PRKCA: variants seen among roughly 807,000 people sequenced by gnomAD.
PRKCA encodes protein kinase C alpha type.
A neutral mutation model predicts 87.0 loss-of-function variants in PRKCA; 27 were observed. The observed-to-expected ratio is 0.31, with a 90% CI of 0.23 to 0.43. PRKCA has a LOEUF of 0.43. PRKCA is among the 20% of genes least tolerant of loss of function. The pLI is 1.00. For missense variants in PRKCA, 518 were observed against 852.3 expected (o/e 0.61, Z 4.88); for synonymous variants, 329 against 311.1 (o/e 1.06, Z -0.61).
chr17:66,693,466 A>G (rs1012291810), intron 8 of PRKCA, among the ~76,000 whole-genome samples: 6 of 152,220 alleles, frequency 3.9e-5, no homozygotes, highest in Admixed American at 1.3e-4. Flanking sequence ...TTCTGTATCT[A>G]TGGGCCCTGC....
At chr17:66,532,658 C>T (rs1234994640) in intron 3 of PRKCA, among the ~76,000 whole-genome samples, 1 of 152,106 alleles carries the variant, frequency 6.6e-6, no homozygotes, top group Non-Finnish European at 1.5e-5. Flanking sequence ...TGCGCCCGGC[C>T]CATCCTTGAA....
intron 5 of PRKCA, among the ~76,000 whole-genome samples, chr17:66,672,543 C>A (rs1972217860): frequency 6.6e-6 from 1 of 152,112 alleles, no homozygotes; most frequent in Non-Finnish European, 1.5e-5. Flanking sequence ...TTCTTCTTTG[C>A]ATCAGAAAAT....
chr17:66,401,039 A>G (rs1023376626), intron 2 of PRKCA, among the ~76,000 whole-genome samples: 1 of 152,170 alleles, frequency 6.6e-6, no homozygotes, highest in African/African-American at 2.4e-5. Flanking sequence ...ATTTAGTACA[A>G]ATGTTCTCAG....
intron 2 of PRKCA, among the ~76,000 whole-genome samples, chr17:66,360,546 G>A (rs1340791437): frequency 6.6e-6 from 1 of 152,208 alleles, no homozygotes; most frequent in Non-Finnish European, 1.5e-5. Flanking sequence ...GAAACCCTAA[G>A]GTGGATATCC....
At chr17:66,376,987 G>A (rs1050337373) in intron 2 of PRKCA, among the ~76,000 whole-genome samples, 2 of 152,016 alleles carry the variant, frequency 1.3e-5, no homozygotes, top group African/African-American at 4.8e-5. Context: ...CTTGAGTTCA[G>A]TCCCCTGCAA....
chr17:66,775,507 A>G lies in PRKCA; in HGVS notation c.1605+1440A>G. 3.0e-6 allele frequency: 3 copies of G among 985,380 alleles called. No individual in the cohort carries two copies. The South Asian group carries it at 1.4e-4, about 46-fold the overall frequency. 61.0% of individuals were successfully genotyped at this position (985,380 alleles called of 1,614,324 possible). ...TGGTAATCACGAAGCAGGCTTGGTAATCACCCAGCAGATCTCTGCCTTATA... is the reference window on the plus strand; with the variant it reads ...TGGTAATCACGAAGCAGGCTTGGTAGTCACCCAGCAGATCTCTGCCTTATA... On this transcript the variant is annotated intron_variant, in intron 14 of 16. Coordinates refer to ENST00000413366, the MANE Select transcript of PRKCA (RefSeq NM_002737.3).
intron 3 of PRKCA, among the ~76,000 whole-genome samples, chr17:66,589,163 A>G (rs1021029058): frequency 6.6e-6 from 1 of 152,132 alleles, no homozygotes; most frequent in African/African-American, 2.4e-5. Context: ...CTTGACACCT[A>G]CCAGCTCATG....
At chr17:66,766,252 G>A (rs1974809531) in intron 13 of PRKCA, among the ~76,000 whole-genome samples, 1 of 152,148 alleles carries the variant, frequency 6.6e-6, no homozygotes, top group Admixed American at 6.6e-5. Flanking sequence ...AAAATGAAGA[G>A]CCAGCTGGGA....
At chr17:66,789,090 G>C (rs539360676) in intron 16 of PRKCA, 111 bp downstream of exon 16, 64 of 1,359,584 alleles carry the variant, frequency 4.7e-5, no homozygotes, top group Admixed American at 4.8e-5. Context: ...GGCTTGTACA[G>C]GGTGAGGAAA....
chr17:66,374,980 G>T (rs374891678), intron 2 of PRKCA, among the ~76,000 whole-genome samples: 1 of 152,018 alleles, frequency 6.6e-6, no homozygotes, highest in Admixed American at 6.6e-5. Flanking sequence ...AAATCTGCCC[G>T]CCTTGGCCTC....
chr17:66,455,347 G>GA (rs772987898), intron 2 of PRKCA, among the ~76,000 whole-genome samples: 1 of 152,104 alleles, frequency 6.6e-6, no homozygotes, highest in Non-Finnish European at 1.5e-5. Flanking sequence ...CAGCTGCCAC[G>GA]AAATTGCCAG....
intron 13 of PRKCA, among the ~76,000 whole-genome samples, chr17:66,748,627 A>G (rs1484315924): frequency 6.6e-6 from 1 of 152,156 alleles, no homozygotes; most frequent in Non-Finnish European, 1.5e-5. Flanking sequence ...CTGAGAGAGC[A>G]GTGTTGGTAA....
Position 66,742,776 on chromosome 17 carries a change from A to G in PRKCA, c.1524+16A>G. On this transcript the variant is annotated intron_variant, in intron 13 of 16. Transcript: ENST00000413366. Reference sequence around the variant, plus strand: ...CGCCCCAGAGGTAGGAACCCCAGTGATCGTTTTCTCAACCAGGACTCCCAA... The same window carrying G: ...CGCCCCAGAGGTAGGAACCCCAGTGGTCGTTTTCTCAACCAGGACTCCCAA... 6.2e-7 allele frequency: 1 copy of G among 1,611,588 alleles called. No individual in the cohort carries two copies. The highest frequency in any genetic ancestry group is 8.5e-7 in the Non-Finnish European group (1 of 1,179,484).
At chr17:66,392,238 C>A (rs7503905) in intron 2 of PRKCA, among the ~76,000 whole-genome samples, 141,338 of 147,886 alleles carry the variant, frequency 0.96, 67,726 homozygotes, top group Non-Finnish European at 1. Flanking sequence ...TCAACAACAA[C>A]AAAAAAAAAA....
intron 8 of PRKCA, among the ~76,000 whole-genome samples, chr17:66,728,975 GTTA>G (rs1973821460): frequency 6.6e-6 from 1 of 152,256 alleles, no homozygotes; most frequent in Non-Finnish European, 1.5e-5. Flanking sequence ...GTTTTCAGAT[GTTA>G]TTGTGAATCC....
chr17:66,642,826 T>A (rs1395888375), intron 4 of PRKCA, among the ~76,000 whole-genome samples: 1 of 152,126 alleles, frequency 6.6e-6, no homozygotes, highest in African/African-American at 2.4e-5. Flanking sequence ...GAGGATCACC[T>A]GAGGTTAGGA....
intron 3 of PRKCA, among the ~76,000 whole-genome samples, chr17:66,577,996 G>A (rs1332836039): frequency 2.0e-5 from 3 of 152,072 alleles, no homozygotes; most frequent in Non-Finnish European, 4.4e-5. Context: ...CCAGAGTGCA[G>A]GGTTTGTGTC....
intron 8 of PRKCA, among the ~76,000 whole-genome samples, chr17:66,711,598 T>C (rs1055783855): frequency 6.6e-6 from 1 of 152,172 alleles, no homozygotes; most frequent in Non-Finnish European, 1.5e-5. Flanking sequence ...CCAGCTGTGC[T>C]CTCAGCGTAT....
At chr17:66,671,567 T>A (rs1203276143) in intron 5 of PRKCA, among the ~76,000 whole-genome samples, 18 of 152,196 alleles carry the variant, frequency 1.2e-4, no homozygotes, top group African/African-American at 4.3e-4. Context: ...CCCACCATTT[T>A]CAGATGGGAT....
Sources: allele counts gnomAD v4.1 joint callset (sites outside exome capture counted in the v4.1 genomes callset), GRCh38; gene constraint gnomAD v4.1.1; transcripts MANE v1.5; gene names NCBI Gene and HGNC (gene_info 2026-07-23, HGNC 2026-07-21).